Variants in EXOC4 observed in about 807,000 individuals in gnomAD.
EXOC4 encodes SEC8-like 1.
A neutral mutation model predicts 107.2 loss-of-function variants in EXOC4; 71 were observed. The ratio of observed to expected loss-of-function variants is 0.66; its 90% CI spans 0.55 to 0.81. The LOEUF is 0.81. Among genes scored for constraint, EXOC4 ranks in the 30% least tolerant of loss-of-function variants. The probability of loss-of-function intolerance (pLI) is 0.00; values close to 1 mark genes in which losing one functional copy is unlikely to be tolerated. For missense variants in EXOC4, 1,108 were observed against 1,189.6 expected, an observed-to-expected ratio of 0.93 and a Z score of 1.01; for synonymous variants, 456 against 441.2, an observed-to-expected ratio of 1.03 and a Z score of -0.42.
At chr7:133,710,070 G>T (rs1027430869) in intron 10 of EXOC4, among the ~76,000 whole-genome samples, 1 of 152,108 alleles carries the variant, frequency 6.6e-6, no homozygotes, top group African/African-American at 2.4e-5. Context: ...ATTTTTATCA[G>T]CCATAAAATA....
At chr7:133,966,167 T>A (rs1292077004) in intron 14 of EXOC4, among the ~76,000 whole-genome samples, 4 of 152,266 alleles carry the variant, frequency 2.6e-5, no homozygotes, top group Non-Finnish European at 4.4e-5. Flanking sequence ...TTTTTGCACA[T>A]TGATTTTTGT....
chr7:133,674,465 G>A (rs1165795699), intron 10 of EXOC4, among the ~76,000 whole-genome samples: 1 of 152,024 alleles, frequency 6.6e-6, no homozygotes, highest in Non-Finnish European at 1.5e-5. Flanking sequence ...TTGCAATTCA[G>A]GTATATAAAA....
At chr7:133,701,588 A>C (rs1794656873) in intron 10 of EXOC4, among the ~76,000 whole-genome samples, 1 of 152,202 alleles carries the variant, frequency 6.6e-6, no homozygotes, top group African/African-American at 2.4e-5. Context: ...ACCTATGATA[A>C]GATTTAATTT....
intron 10 of EXOC4, among the ~76,000 whole-genome samples, chr7:133,744,883 T>C (rs1046213313): frequency 1.2e-4 from 19 of 152,190 alleles, no homozygotes; most frequent in African/African-American, 2.4e-5. Context: ...GCTACATTTT[T>C]GCTGCTTTTT....
chr7:133,305,597 T>C (rs1409381348), intron 3 of EXOC4, among the ~76,000 whole-genome samples: 1 of 151,934 alleles, frequency 6.6e-6, no homozygotes, highest in Non-Finnish European at 1.5e-5. Context: ...AATAGGGAGG[T>C]CTTTTTACAC....
chr7:134,028,438 A>G (rs892169858), intron 17 of EXOC4, among the ~76,000 whole-genome samples: 4 of 152,246 alleles, frequency 2.6e-5, no homozygotes, highest in African/African-American at 9.6e-5. Context: ...TCAAAATTCT[A>G]CTAAACTATA....
intron 7 of EXOC4, among the ~76,000 whole-genome samples, chr7:133,375,519 T>TA: frequency 6.6e-6 from 1 of 152,134 alleles, no homozygotes; most frequent in East Asian, 1.9e-4. Context: ...TGGCAGACTT[T>TA]AAAAATAGAA....
intron 9 of EXOC4, among the ~76,000 whole-genome samples, chr7:133,527,291 C>T (rs1484759926): frequency 6.6e-6 from 1 of 151,906 alleles, no homozygotes; most frequent in Non-Finnish European, 1.5e-5. Context: ...GTAATCCCAG[C>T]TACTTGGGAG....
intron 4 of EXOC4, 24 bp from the exon 5 acceptor site, chr7:133,317,260 A>G: frequency 6.5e-7 from 1 of 1,548,314 alleles, no homozygotes; most frequent in Non-Finnish European, 8.9e-7. Context: ...GAAAGTGGTA[A>G]CTAGTGCTTC....
At chr7:133,489,792 C>T (rs1799337553) in intron 9 of EXOC4, among the ~76,000 whole-genome samples, 1 of 152,092 alleles carries the variant, frequency 6.6e-6, no homozygotes, top group Admixed American at 6.5e-5. Context: ...AAGAAAGGGA[C>T]CATAAATGTG....
the EXOC4 span, among the ~76,000 whole-genome samples, chr7:134,096,337 A>G: frequency 6.6e-6 from 1 of 152,244 alleles, no homozygotes; most frequent in Admixed American, 6.5e-5. Context: ...AGTCAAAGAT[A>G]GAGGGCCATT....
intron 7 of EXOC4, among the ~76,000 whole-genome samples, chr7:133,459,654 C>T (rs565683762): frequency 6.6e-6 from 1 of 152,242 alleles, no homozygotes; most frequent in Admixed American, 6.5e-5. Flanking sequence ...AGGATCTTAT[C>T]GGATCATATG....
At chr7:133,621,235 T>C (rs993895862) in intron 9 of EXOC4, among the ~76,000 whole-genome samples, 3 of 152,206 alleles carry the variant, frequency 2.0e-5, no homozygotes, top group African/African-American at 7.2e-5. Context: ...TTTTAATTTA[T>C]TGTAAGGAGA....
chr7:133,256,068 G>C (rs61180147), intron 1 of EXOC4, among the ~76,000 whole-genome samples: 20,538 of 151,098 alleles, frequency 0.14, 2,898 homozygotes, highest in African/African-American at 0.35. Flanking sequence ...TGCAAGCTCC[G>C]CCTTCCGGGT....
At chr7:133,917,306 T>C in intron 12 of EXOC4, among the ~76,000 whole-genome samples, 1 of 152,226 alleles carries the variant, frequency 6.6e-6, no homozygotes, top group Middle Eastern at 3.2e-3. Context: ...TATGCTTTTA[T>C]TTATCCTAAG....
intron 4 of EXOC4, among the ~76,000 whole-genome samples, chr7:133,307,939 A>G (rs561778308): frequency 1.3e-5 from 2 of 152,340 alleles, no homozygotes; most frequent in African/African-American, 4.8e-5. Flanking sequence ...CAGTAAGCGC[A>G]TAGCTTCCAT....
intron 10 of EXOC4, among the ~76,000 whole-genome samples, chr7:133,670,324 C>T (rs1264802824): frequency 6.6e-6 from 1 of 152,202 alleles, no homozygotes; most frequent in African/African-American, 2.4e-5. Context: ...ATACCTAGCT[C>T]ACCGTGTTGT....
At chr7:133,861,086 G>A (rs7810061) in intron 11 of EXOC4, among the ~76,000 whole-genome samples, 5,847 of 152,152 alleles carry the variant, frequency 0.038, 400 homozygotes, top group African/African-American at 0.13. Flanking sequence ...AAGTAACTAA[G>A]CAGTCCTCAA....
intron 7 of EXOC4, among the ~76,000 whole-genome samples, chr7:133,403,125 C>G (rs966328705): frequency 1.8e-4 from 28 of 152,036 alleles, no homozygotes; most frequent in Non-Finnish European, 3.5e-4. Context: ...CCTCGTGATC[C>G]ACCCGCCTCG....
Sources: allele counts gnomAD v4.1 joint callset (sites outside exome capture counted in the v4.1 genomes callset), GRCh38; gene constraint gnomAD v4.1.1; transcripts MANE v1.5; gene names NCBI Gene and HGNC (gene_info 2026-07-23, HGNC 2026-07-21).